Variants in POLH observed in about 807,000 individuals in gnomAD.
The protein encoded by POLH is DNA polymerase eta.
A neutral mutation model predicts 73.6 loss-of-function variants in POLH; 53 were observed. The ratio of observed to expected loss-of-function variants is 0.72; its 90% CI spans 0.58 to 0.91. The LOEUF (loss-of-function observed/expected upper bound fraction) is 0.91, where lower values mean the gene tolerates loss of function less well. Ranked by LOEUF, POLH falls within the 40% of genes least tolerant of loss-of-function variation. POLH has a pLI of 0.00. For synonymous variants in POLH, 292 were observed against 308.5 expected (o/e 0.95, Z 0.56); for missense variants, 768 against 865.4 (o/e 0.89, Z 1.41).
intron 6 of POLH, among the ~76,000 whole-genome samples, 154 bp downstream of exon 6, chr6:43,601,245 C>T (rs1267167927): frequency 3.9e-5 from 6 of 152,134 alleles, no homozygotes; most frequent in South Asian, 2.1e-4. Context: ...TTGAAACACA[C>T]GCTGAGACTT....
At chr6:43,587,614 C>T in intron 4 of POLH, 125 bp downstream of exon 4, 1 of 750,994 alleles carries the variant, frequency 1.3e-6, no homozygotes, top group South Asian at 1.5e-5. Context: ...ATCACAAGGA[C>T]TCACATGGAA....
At position 43,594,685 on chromosome 6, in the gene POLH, C is replaced by T. The variant is rs368944244; in HGVS notation, c.491-3011C>T. Among the ~76,000 whole-genome samples, 27 of 152,066 alleles carry T rather than the reference C, an allele frequency of 1.8e-4. No individual in the cohort carries two copies. The East Asian group carries it at 3.5e-3, about 20-fold the overall frequency. Reference sequence around the variant, plus strand: ...TCTAGCCTGGGCAACAGAGCAACTCCGTCTCAAAAAAAATAAAAAATAATA... The same window carrying T: ...TCTAGCCTGGGCAACAGAGCAACTCTGTCTCAAAAAAAATAAAAAATAATA... On this transcript the variant is annotated intron_variant, in intron 4 of 10. Coordinates refer to ENST00000372236, the MANE Select transcript of POLH (RefSeq NM_006502.3).
At chr6:43,604,352 G>A (rs1767042222) in intron 7 of POLH, among the ~76,000 whole-genome samples, 1 of 152,190 alleles carries the variant, frequency 6.6e-6, no homozygotes, top group South Asian at 2.1e-4. Context: ...ATATGAATCA[G>A]TGGCTTGCTT....
chr6:43,618,787 C>T lies in POLH; in HGVS notation c.*4230C>T, dbSNP rs557857193. Among the ~76,000 whole-genome samples the T allele has an allele frequency of 2.0e-5, 3 of 152,104 alleles. No individual in the cohort carries two copies. The East Asian group carries it at 5.8e-4, about 30-fold the overall frequency. On this transcript the variant is annotated 3_prime_UTR_variant, in exon 11 of 11. Transcript: ENST00000372236. ...CTGGGATTATAGGCATGCACCATCACGCCTGGCTAATTTTTGTATTTTTAG... is the reference window on the plus strand; with the variant it reads ...CTGGGATTATAGGCATGCACCATCATGCCTGGCTAATTTTTGTATTTTTAG...
chr6:43,586,825 C>T (rs1764873571), intron 3 of POLH, among the ~76,000 whole-genome samples: 1 of 152,052 alleles, frequency 6.6e-6, no homozygotes, highest in Non-Finnish European at 1.5e-5. Context: ...TGGGGAAGAC[C>T]ATATACTCTG....
chr6:43,585,642 T>C (rs907017042), intron 3 of POLH, among the ~76,000 whole-genome samples: 9 of 149,422 alleles, frequency 6.0e-5, no homozygotes, highest in African/African-American at 1.2e-4. Flanking sequence ...CTTTTCTTTT[T>C]TTTTTTTTTT....
intron 10 of POLH, among the ~76,000 whole-genome samples, chr6:43,611,418 G>A (rs1767868319): frequency 6.6e-6 from 1 of 152,160 alleles, no homozygotes; most frequent in Non-Finnish European, 1.5e-5. Flanking sequence ...AGCTCCACTG[G>A]TATTATACCA....
At chr6:43,603,845 G>A in intron 6 of POLH, 47 bp from the exon 7 acceptor site, 1 of 1,603,456 alleles carries the variant, frequency 6.2e-7, no homozygotes, top group Non-Finnish European at 8.5e-7. Context: ...CTGCTAATTA[G>A]ATAGTTATGA....
chr6:43,614,378 TTTGCA>T lies in POLH; in HGVS notation c.1967_1971del (p.Ala656GlyfsTer36). 1.2e-6 allele frequency: 2 copies of T among 1,614,094 alleles called. No homozygotes were observed. Among genetic ancestry groups the T allele is most frequent in the Non-Finnish European group, 1.7e-6 (2 of 1,179,948 alleles). On this transcript the variant is annotated frameshift_variant, in exon 11 of 11. Transcript: ENST00000372236. LOFTEE classifies it high-confidence loss of function. Reference sequence around the variant, plus strand: ...TATGCCAGAACACATGGACTATCATTTTGCATTGGAGTTGCAGAAATCCTTTTTGC... The same window carrying T: ...TATGCCAGAACACATGGACTATCATTTTGGAGTTGCAGAAATCCTTTTTGC...
In POLH at chr6:43,613,815, G is replaced by A. The variant is rs2127821729; in HGVS notation, c.1400G>A (p.Gly467Asp). 2 of 1,614,172 alleles carry A rather than the reference G, an allele frequency of 1.2e-6. No homozygotes were observed. The highest frequency in any genetic ancestry group is 4.5e-5 in the East Asian group (2 of 44,884). The change falls in exon 11 of 11, where the codon GGC becomes GAC. Residue 467 changes from glycine (G) to aspartate (D), a missense_variant. By Grantham distance (94) the Gly-to-Asp change is moderately conservative (BLOSUM62 -1). Transcript: ENST00000372236. ...TCAGAAGCTAAGACCCAGGGAAGTG[G>A]CCCAGCGGTGACAGCCACTAAGAAA... ...TSSEAKTQGS[G>D]PAVTATKKAT...
At position 43,616,279 on chromosome 6, in the gene POLH, C is replaced by CAA. The variant is rs895274732; in HGVS notation, c.*1737_*1738dup. On this transcript the variant is annotated 3_prime_UTR_variant, in exon 11 of 11. Coordinates refer to ENST00000372236, the MANE Select transcript of POLH (RefSeq NM_006502.3). ...TGGGTGACAGAGCGAGACTCCGTCT[C>CAA]AAAAAAAAAAAAAAAAGAAAAACTT... Among the ~76,000 whole-genome samples the CAA allele has an allele frequency of 1.3e-3, 98 of 74,052 alleles. No individual in the cohort carries two copies. The highest frequency in any genetic ancestry group is 4.0e-3 in the African/African-American group (81 of 20,056). The allele number at this position is 74,052 out of a possible 152,430, so 48.6% of individuals were successfully genotyped here.
intron 1 of POLH, among the ~76,000 whole-genome samples, chr6:43,580,000 C>T (rs1198667061): frequency 2.0e-4 from 28 of 139,074 alleles, no homozygotes; most frequent in Admixed American, 1.6e-3. Context: ...GAGGGAAGGT[C>T]AGCAGATAAA....
At chr6:43,610,757 G>T in intron 10 of POLH, 34 bp downstream of exon 10, 1 of 1,549,728 alleles carries the variant, frequency 6.5e-7, no homozygotes, top group Non-Finnish European at 8.9e-7. Flanking sequence ...TCTCAGAATA[G>T]ATGATGATTC....
Position 43,604,661 on chromosome 6 carries a change from A to C in POLH, c.931A>C (p.Lys311Gln), listed in dbSNP as rs751169113. ...MCRGIEHDPV[K>Q]PRQLPKTIGC... Reference sequence around the variant, plus strand: ...CCGAGGGATTGAACATGATCCAGTTAAACCCAGGCAACTACCCAAAACCAT... The same window carrying C: ...CCGAGGGATTGAACATGATCCAGTTCAACCCAGGCAACTACCCAAAACCAT... The change falls in exon 8 of 11, where the codon AAA (lysine) becomes CAA (glutamine). Residue 311 changes from lysine to glutamine, a missense_variant. By Grantham distance (53) the Lys-to-Gln change is moderately conservative. Transcript: ENST00000372236. The C allele has an allele frequency of 1.9e-6, 3 of 1,614,030 alleles. No homozygotes were observed. Among genetic ancestry groups the C allele is most frequent in the Non-Finnish European group, 2.5e-6 (3 of 1,179,896 alleles).
rs991705247 is a variant in POLH at position 43,616,601 on chromosome 6, C to A, written c.*2044C>A. ...GAGACTGTCTCAAAAAAAAAAAAAACAAAAGAAAAACTTCTCTCTAGCTCT... is the reference window on the plus strand; with the variant it reads ...GAGACTGTCTCAAAAAAAAAAAAAAAAAAAGAAAAACTTCTCTCTAGCTCT... On this transcript the variant is annotated 3_prime_UTR_variant, in exon 11 of 11. Transcript: ENST00000372236. Among the ~76,000 whole-genome samples, 486 of 141,676 alleles carry A rather than the reference C, an allele frequency of 3.4e-3. 3 individuals are homozygous for A. Among genetic ancestry groups the A allele is most frequent in the African/African-American group, 0.012 (445 of 37,158 alleles). 92.9% of individuals were successfully genotyped at this position (141,676 alleles called of 152,430 possible). A position where few individuals can be genotyped will look rare whatever the true frequency, so the allele number is the denominator to read the frequency against.
At chr6:43,585,636 TC>T (rs371312382) in intron 3 of POLH, among the ~76,000 whole-genome samples, 8,317 of 137,380 alleles carry the variant, frequency 0.061, 461 homozygotes, top group African/African-American at 0.17. Context: ...CTCTTTCTTT[TC>T]TTTTTTTTTT....
chr6:43,603,023 C>T (rs1160849662), intron 6 of POLH, among the ~76,000 whole-genome samples: 6 of 75,046 alleles, frequency 8.0e-5, no homozygotes, highest in Non-Finnish European at 1.4e-4. Context: ...TTTTTTGAAA[C>T]AGAGTCTTGC....
chr6:43,612,903 G>C (rs1288141110), intron 10 of POLH, among the ~76,000 whole-genome samples: 1 of 151,054 alleles, frequency 6.6e-6, no homozygotes, highest in Non-Finnish European at 1.5e-5. Context: ...CCGGGTTCAA[G>C]CAATTCTTCT....
chr6:43,576,829 C>T (rs575157929), intron 1 of POLH, among the ~76,000 whole-genome samples: 2 of 152,294 alleles, frequency 1.3e-5, no homozygotes, highest in South Asian at 2.1e-4. Flanking sequence ...AAAAGCATGG[C>T]TTGGGCAGAA....
Sources: allele counts gnomAD v4.1 joint callset (sites outside exome capture counted in the v4.1 genomes callset), GRCh38; gene constraint gnomAD v4.1.1; transcripts MANE v1.5; gene names NCBI Gene and HGNC (gene_info 2026-07-23, HGNC 2026-07-21).